PLD5: variants seen among roughly 807,000 people sequenced by gnomAD.
PLD5 encodes the protein phospholipase D family member 5.
Under a neutral mutation model 61.1 loss-of-function variants are expected in PLD5, and 36 were observed. The ratio of observed to expected loss-of-function variants is 0.59; its 90% CI spans 0.45 to 0.78. PLD5 has a LOEUF of 0.78. Among genes scored for constraint, PLD5 ranks in the 30% least tolerant of loss-of-function variants. The pLI is 0.00. For missense variants in PLD5, 515 were observed against 644.4 expected (o/e 0.80, Z 2.17); for synonymous variants, 243 against 242.8 (o/e 1.00, Z -0.01).
At chr1:242,241,869 C>CTA (rs752113161) in intron 4 of PLD5, among the ~76,000 whole-genome samples, 1,309 of 69,854 alleles carry the variant, frequency 0.019, 6 homozygotes, top group African/African-American at 0.026. Flanking sequence ...GCTTTACTTA[C>CTA]TATATATATA....
chr1:242,387,858 A>G (rs1662691552), intron 1 of PLD5, among the ~76,000 whole-genome samples: 8 of 152,160 alleles, frequency 5.3e-5, no homozygotes, highest in Admixed American at 5.2e-4. Flanking sequence ...ATTATAAAGG[A>G]AAACTAAGCA....
chr1:242,394,402 G>A (rs1380494194), intron 1 of PLD5, among the ~76,000 whole-genome samples: 1 of 104,178 alleles, frequency 9.6e-6, no homozygotes, highest in African/African-American at 3.9e-5. Flanking sequence ...GTATATATGT[G>A]TGTATATATG....
At chr1:242,180,707 G>A (rs774716062) in intron 5 of PLD5, among the ~76,000 whole-genome samples, 6 of 152,140 alleles carry the variant, frequency 3.9e-5, no homozygotes, top group South Asian at 2.1e-4. Flanking sequence ...GGGGATGGGC[G>A]TGGTGGCTCA....
chr1:242,441,639 T>G (rs574646427), intron 1 of PLD5, among the ~76,000 whole-genome samples: 22 of 152,268 alleles, frequency 1.4e-4, no homozygotes, highest in Admixed American at 7.9e-4. Context: ...ATATTACTTT[T>G]GCACATTTTA....
intron 3 of PLD5, among the ~76,000 whole-genome samples, chr1:242,267,248 G>C (rs1673744255): frequency 6.6e-6 from 1 of 152,042 alleles, no homozygotes; most frequent in East Asian, 1.9e-4. Context: ...GAAGCTTTAG[G>C]GTGTTAGGAG....
At chr1:242,313,200 T>G (rs1294406075) in intron 2 of PLD5, among the ~76,000 whole-genome samples, 1 of 152,132 alleles carries the variant, frequency 6.6e-6, no homozygotes, top group Admixed American at 6.5e-5. Context: ...CCGTCAGGAG[T>G]CTTCAATGCA....
At chr1:242,090,132 A>C in intron 9 of PLD5, 22 bp from the exon 10 acceptor site, 1 of 1,613,154 alleles carries the variant, frequency 6.2e-7, no homozygotes, top group Non-Finnish European at 8.5e-7. Flanking sequence ...CAAAGAAATA[A>C]TGTTGAGGAG....
At chr1:242,197,176 G>A (rs559705021) in intron 5 of PLD5, among the ~76,000 whole-genome samples, 12 of 152,096 alleles carry the variant, frequency 7.9e-5, no homozygotes, top group Non-Finnish European at 1.8e-4. Flanking sequence ...AGCCCAGGAG[G>A]GACCCTGCCT....
intron 5 of PLD5, among the ~76,000 whole-genome samples, chr1:242,124,872 T>G (rs1486296843): frequency 6.6e-6 from 1 of 152,238 alleles, no homozygotes; most frequent in African/African-American, 2.4e-5. Context: ...TTTTTTGTAT[T>G]AGGTCTCTAA....
chr1:242,173,332 C>T (rs1333579815), intron 5 of PLD5, among the ~76,000 whole-genome samples: 2 of 152,088 alleles, frequency 1.3e-5, no homozygotes, highest in African/African-American at 4.8e-5. Context: ...ACCTAGGAAT[C>T]CAACTTACAA....
intron 1 of PLD5, among the ~76,000 whole-genome samples, chr1:242,505,229 C>T (rs766293754): frequency 3.9e-5 from 6 of 152,086 alleles, no homozygotes; most frequent in Non-Finnish European, 7.4e-5. Flanking sequence ...TGAAGCTGTT[C>T]CCCCTAAAAA....
At position 242,173,024 on chromosome 1, in the gene PLD5, A is replaced by G. The variant is rs1387404153; in HGVS notation, c.735+46964T>C. Among the ~76,000 whole-genome samples the G allele has an allele frequency of 2.6e-5, 4 of 152,194 alleles. No individual in the cohort carries two copies. The East Asian group carries it at 7.7e-4, about 29-fold the overall frequency. Reference sequence around the variant, plus strand: ...AGGGATGCCCTCTCTCACCACTCCTATTCAACATAGTGTTGGAAGTTCTGG... The same window carrying G: ...AGGGATGCCCTCTCTCACCACTCCTGTTCAACATAGTGTTGGAAGTTCTGG... On this transcript the variant is annotated intron_variant, in intron 5 of 9. Coordinates refer to ENST00000536534, the MANE Select transcript of PLD5 (RefSeq NM_001372062.1).
intron 7 of PLD5, among the ~76,000 whole-genome samples, chr1:242,111,135 C>A (rs1019822011): frequency 6.6e-6 from 1 of 151,520 alleles, no homozygotes; most frequent in South Asian, 2.1e-4. Flanking sequence ...TGGCTCACTG[C>A]AACCTTGGCT....
chr1:242,089,692 C>T lies in PLD5; in HGVS notation c.*162G>A. ...AGTCTTAATTTTAGTGTACACGACG[C>T]TAAGATATTGTTAGATAGGTATTAT... On this transcript the variant is annotated 3_prime_UTR_variant, in exon 10 of 10. Transcript: ENST00000536534. 1.1e-6 allele frequency: 1 copy of T among 876,490 alleles called. No individual in the cohort carries two copies. The allele number at this position is 876,490 out of a possible 1,614,324, so 54.3% of individuals were successfully genotyped here. A position where few individuals can be genotyped will look rare whatever the true frequency, so the allele number is the denominator to read the frequency against.
intron 5 of PLD5, among the ~76,000 whole-genome samples, chr1:242,189,173 G>A (rs1668084678): frequency 1.3e-5 from 2 of 152,218 alleles, no homozygotes; most frequent in Admixed American, 1.3e-4. Flanking sequence ...TGGGCCAGGT[G>A]TGGTGGCTCA....
chr1:242,232,562 AAG>A (rs1671376700), intron 4 of PLD5, among the ~76,000 whole-genome samples: 1 of 152,090 alleles, frequency 6.6e-6, no homozygotes, highest in Non-Finnish European at 1.5e-5. Flanking sequence ...AAAAATCATC[AAG>A]TCTTAGTACT....
At chr1:242,200,423 T>G (rs1217186500) in intron 5 of PLD5, among the ~76,000 whole-genome samples, 1 of 152,196 alleles carries the variant, frequency 6.6e-6, no homozygotes, top group Admixed American at 6.5e-5. Context: ...TCTGCTCCGA[T>G]GAGTAAAAGG....
Position 242,457,743 on chromosome 1 carries a change from C to A in PLD5, c.189+66345G>T, listed in dbSNP as rs145911526. Among the ~76,000 whole-genome samples the A allele has an allele frequency of 3.3e-5, 5 of 152,296 alleles. No individual in the cohort carries two copies. The South Asian group carries it at 8.3e-4, about 25-fold the overall frequency. On this transcript the variant is annotated intron_variant, in intron 1 of 9. Coordinates refer to ENST00000536534, the MANE Select transcript of PLD5 (RefSeq NM_001372062.1). The stretch of plus-strand genomic sequence containing the variant: ...GACATCCTGAACAACTTGTCTCCAG[C>A]GATCCAGGTCCGGCTCAACCTCTGC...
intron 5 of PLD5, among the ~76,000 whole-genome samples, chr1:242,184,306 G>A (rs316833): frequency 0.81 from 122,810 of 152,224 alleles, 49,695 homozygotes; most frequent in East Asian, 0.93. Context: ...CAGCACCTAC[G>A]TGAATTTGCT....
Sources: gnomAD v4.1 joint callset for allele counts (sites outside exome capture counted in the v4.1 genomes callset) on GRCh38, gnomAD v4.1.1 for gene constraint, MANE v1.5 for transcripts, NCBI Gene and HGNC (gene_info 2026-07-23, HGNC 2026-07-21) for gene names.